PI4KB: variants seen among roughly 807,000 people sequenced by gnomAD.
PI4KB encodes PtdIns 4-kinase beta.
In PI4KB, 23 loss-of-function variants were observed where a neutral mutation model predicts 81.4. The observed-to-expected ratio is 0.28, with a 90% confidence interval of 0.20 to 0.40. The LOEUF is 0.40. PI4KB is among the 10% of genes least tolerant of loss of function. PI4KB has a pLI of 1.00. For missense variants in PI4KB, 651 were observed against 1,036.6 expected, an observed-to-expected ratio of 0.63 and a Z score of 5.11; for synonymous variants, 381 against 406.8, an observed-to-expected ratio of 0.94 and a Z score of 0.76.
At position 151,327,376 on chromosome 1, in the gene PI4KB, T is replaced by TTCCC. The variant is rs3838395; in HGVS notation, c.-138_-135dup. ...CCCGGGTTCCATTGGCCGCCTGCGC[T>TTCCC]TCCCTGACAGCGGCCGCGGAGGCTG... On this transcript the variant is annotated 5_prime_UTR_variant, in exon 1 of 12. Transcript: ENST00000368873. The TTCCC allele has an allele frequency of 0.042, 16,554 of 397,896 alleles. 2,608 individuals carry two copies. Among genetic ancestry groups the TTCCC allele is most frequent in the East Asian group, 0.39 (11,029 of 27,972 alleles). 24.6% of individuals were successfully genotyped at this position (397,896 alleles called of 1,614,324 possible).
rs1410830849 is a variant in PI4KB at position 151,292,280 on chromosome 1, C to A, written c.*572G>T. On this transcript the variant is annotated 3_prime_UTR_variant, in exon 12 of 12. Coordinates refer to ENST00000368873, the MANE Select transcript of PI4KB (RefSeq NM_001369623.2). ...ACTGGAGGGCTGTGGGAATTCCCTT[C>A]CTTGCCCATGATGGGGAACCTCAGC... 6.5e-6 allele frequency: 1 copy of A among 154,104 alleles called. No homozygotes were observed. Among genetic ancestry groups the A allele is most frequent in the Non-Finnish European group, 1.4e-5 (1 of 69,202 alleles). 9.5% of individuals were successfully genotyped at this position (154,104 alleles called of 1,614,324 possible). A position where few individuals can be genotyped will look rare whatever the true frequency, so the allele number is the denominator to read the frequency against.
chr1:151,311,294 TA>T (rs1274942349), intron 2 of PI4KB, among the ~76,000 whole-genome samples: 1 of 152,066 alleles, frequency 6.6e-6, no homozygotes, highest in Non-Finnish European at 1.5e-5. Context: ...AGGTTAGACT[TA>T]AAAGACAAAG....
intron 2 of PI4KB, among the ~76,000 whole-genome samples, chr1:151,314,821 C>T (rs370525747): frequency 6.6e-6 from 1 of 152,192 alleles, no homozygotes; most frequent in Non-Finnish European, 1.5e-5. Flanking sequence ...AACATCTCCC[C>T]TACCCCAGCA....
chr1:151,303,627 G>A lies in PI4KB; in HGVS notation c.1434C>T (p.Ser478=). 6.2e-7 allele frequency: 1 copy of A among 1,613,738 alleles called. No individual in the cohort carries two copies. Among genetic ancestry groups the A allele is most frequent in the Non-Finnish European group, 8.5e-7 (1 of 1,179,630 alleles). ...CAGAGAACTGGGAGATGTTGTCACAGCTGTTGGTATGCACTTCGGGGAGCT... is the reference window on the plus strand; with the variant it reads ...CAGAGAACTGGGAGATGTTGTCACAACTGTTGGTATGCACTTCGGGGAGCT... ...QVELPEVHTN[S]CDNISQFSVD... The change falls in exon 6 of 12, where the codon AGC becomes AGT. Residue 478 remains serine, a synonymous_variant. Transcript: ENST00000368873.
chr1:151,302,156 A>G (rs1325178552), intron 7 of PI4KB, 38 bp downstream of exon 7: 3 of 1,560,718 alleles, frequency 1.9e-6, no homozygotes, highest in Non-Finnish European at 8.8e-7. Context: ...ACTGCCTCTG[A>G]GCTTTGAGAG....
At chr1:151,301,735 T>A (rs1453170441) in intron 8 of PI4KB, 109 bp downstream of exon 8, 6 of 995,128 alleles carry the variant, frequency 6.0e-6, no homozygotes, top group Non-Finnish European at 9.0e-6. Context: ...GGTTTCACCA[T>A]CTTGGCCAGG....
At chr1:151,293,259 G>A (rs1694459357) in intron 11 of PI4KB, 6 of 1,415,718 alleles carry the variant, frequency 4.2e-6, no homozygotes, top group African/African-American at 2.9e-5. Context: ...GGCAGAGGAA[G>A]GAAGGGGACC....
intron 5 of PI4KB, among the ~76,000 whole-genome samples, chr1:151,305,631 T>C (rs1233102261): frequency 2.0e-5 from 3 of 152,138 alleles, no homozygotes; most frequent in African/African-American, 7.2e-5. Context: ...TAATGTCCTA[T>C]CCTTTCCCCC....
rs1024406367 is a variant in PI4KB at position 151,299,684 on chromosome 1, T to C, written c.1750-611A>G. 4.0e-5 allele frequency among the ~76,000 whole-genome samples: 6 copies of C among 151,580 alleles called. No homozygotes were observed. In the East Asian group the frequency reaches 1.2e-3, roughly 29 times the overall value. Reference sequence around the variant, plus strand: ...CAGCCTGGGCGACAGAGCGAGACTCTCTCCGACGAAAAAAAAGAAAAAAGG... The same window carrying C: ...CAGCCTGGGCGACAGAGCGAGACTCCCTCCGACGAAAAAAAAGAAAAAAGG... On this transcript the variant is annotated intron_variant, in intron 8 of 11. Transcript: ENST00000368873.
At chr1:151,304,312 TG>T (rs1695552039) in intron 5 of PI4KB, among the ~76,000 whole-genome samples, 2 of 151,988 alleles carry the variant, frequency 1.3e-5, no homozygotes, top group South Asian at 4.2e-4. Context: ...ACAGAGATTC[TG>T]CCTTTTGGCA....
chr1:151,304,239 T>C (rs1272942342), intron 5 of PI4KB, among the ~76,000 whole-genome samples: 1 of 152,192 alleles, frequency 6.6e-6, no homozygotes. Context: ...CACTGCTTTG[T>C]TGTATATCTA....
intron 4 of PI4KB, among the ~76,000 whole-genome samples, chr1:151,307,023 C>T (rs1211477973): frequency 1.3e-5 from 2 of 151,836 alleles, no homozygotes; most frequent in Non-Finnish European, 2.9e-5. Flanking sequence ...TGCAGTAAGC[C>T]AAGATTGTGC....
At chr1:151,302,165 A>C in intron 7 of PI4KB, 29 bp downstream of exon 7, 1 of 1,551,734 alleles carries the variant, frequency 6.4e-7, no homozygotes. Context: ...GAGCTTTGAG[A>C]GGGGTTCAGA....
intron 2 of PI4KB, among the ~76,000 whole-genome samples, chr1:151,313,413 T>G (rs1222148946): frequency 6.6e-6 from 1 of 152,178 alleles, no homozygotes; most frequent in East Asian, 1.9e-4. Context: ...GGGAGTTAGA[T>G]GTAAGGAAAG....
chr1:151,303,397 T>C (rs1206767842), intron 6 of PI4KB, 144 bp downstream of exon 6: 3 of 688,252 alleles, frequency 4.4e-6, no homozygotes, highest in Non-Finnish European at 8.0e-6. Context: ...TGCCTCAAGT[T>C]TGGTGGCCCC....
intron 1 of PI4KB, among the ~76,000 whole-genome samples, chr1:151,323,184 CTTGT>C (rs1373032763): frequency 1.3e-5 from 2 of 152,146 alleles, no homozygotes; most frequent in Non-Finnish European, 2.9e-5. Context: ...AAGCTAAATC[CTTGT>C]TTGTAACAAT....
intron 8 of PI4KB, chr1:151,300,719 C>T (rs1397922885): frequency 6.6e-6 from 1 of 152,250 alleles, no homozygotes. Flanking sequence ...TATTCACAGT[C>T]TCGATCCTGT....
At chr1:151,294,247 C>T in intron 10 of PI4KB, 109 bp from the exon 11 acceptor site, 1 of 1,498,312 alleles carries the variant, frequency 6.7e-7, no homozygotes, top group Admixed American at 2.0e-5. Context: ...CTGTTATTTC[C>T]CCCTTCCTTA....
At chr1:151,293,432 G>A in intron 11 of PI4KB, 1 of 1,258,840 alleles carries the variant, frequency 7.9e-7, no homozygotes, top group Non-Finnish European at 1.0e-6. Context: ...CATGGGGCCA[G>A]ATGGGGATGA....
Sources: allele counts gnomAD v4.1 joint callset (sites outside exome capture counted in the v4.1 genomes callset), GRCh38; gene constraint gnomAD v4.1.1; transcripts MANE v1.5; gene names NCBI Gene and HGNC (gene_info 2026-07-23, HGNC 2026-07-21).